CAPZA1: variants seen among roughly 807,000 people sequenced by gnomAD.
The protein encoded by CAPZA1 is F-actin-capping protein subunit alpha-1.
A neutral mutation model predicts 40.8 loss-of-function variants in CAPZA1; 10 were observed. The ratio of observed to expected loss-of-function variants is 0.25; its 90% CI spans 0.15 to 0.42. The LOEUF (loss-of-function observed/expected upper bound fraction) is 0.42, where lower values mean the gene tolerates loss of function less well. CAPZA1 is among the 10% of genes least tolerant of loss of function. CAPZA1 has a pLI of 1.00. For synonymous variants in CAPZA1, 98 were observed against 115.0 expected (o/e 0.85, Z 0.95); for missense variants, 277 against 353.8 (o/e 0.78, Z 1.74).
intron 7 of CAPZA1, among the ~76,000 whole-genome samples, chr1:112,663,257 C>T (rs1410033327): frequency 6.6e-6 from 1 of 152,172 alleles, no homozygotes; most frequent in South Asian, 2.1e-4. Flanking sequence ...AGCCACTGCA[C>T]CCGGCTCATT....
chr1:112,641,490 C>T (rs1198669374), intron 1 of CAPZA1, among the ~76,000 whole-genome samples: 2 of 152,074 alleles, frequency 1.3e-5, no homozygotes, highest in East Asian at 3.8e-4. Context: ...ATTATAAACC[C>T]ATGTCAACAA....
At chr1:112,644,350 C>T (rs1160094171) in intron 1 of CAPZA1, among the ~76,000 whole-genome samples, 1 of 151,694 alleles carries the variant, frequency 6.6e-6, no homozygotes, top group Non-Finnish European at 1.5e-5. Context: ...ACCACCACAC[C>T]CAGCTAATTC....
chr1:112,632,869 G>A (rs775572723), intron 1 of CAPZA1, among the ~76,000 whole-genome samples: 9 of 152,116 alleles, frequency 5.9e-5, no homozygotes, highest in Non-Finnish European at 1.2e-4. Flanking sequence ...TTGAAAGAGT[G>A]AATGTGAAGC....
intron 1 of CAPZA1, among the ~76,000 whole-genome samples, chr1:112,644,183 G>GTTTTT (rs1390088435): frequency 7.6e-5 from 3 of 39,470 alleles, no homozygotes; most frequent in African/African-American, 2.5e-4. Context: ...TCTTCTCCCA[G>GTTTTT]CTTTTTTTTT....
intron 7 of CAPZA1, 34 bp from the exon 8 acceptor site, chr1:112,667,040 T>G (rs1671737116): frequency 1.3e-6 from 2 of 1,503,238 alleles, no homozygotes; most frequent in Non-Finnish European, 9.2e-7. Context: ...TCTATGAACT[T>G]CCCCTAAAAA....
rs376678953 is a variant in CAPZA1 at position 112,664,718 on chromosome 1, C to CA, written c.586-2354dup. On this transcript the variant is annotated intron_variant, in intron 7 of 9. Transcript: ENST00000263168. ...TTGGGAGACCGAGGTGGGTGGATCA[C>CA]AAGGTCAGGAGTTCGAGACCAGCCT... is the stretch of plus-strand genomic sequence containing the variant. Among the ~76,000 whole-genome samples the CA allele has an allele frequency of 4.4e-4, 67 of 152,036 alleles. 1 individual carries two copies. Among genetic ancestry groups the CA allele is most frequent in the African/African-American group, 1.5e-3 (61 of 41,522 alleles).
intron 8 of CAPZA1, among the ~76,000 whole-genome samples, chr1:112,668,069 G>C: frequency 6.6e-6 from 1 of 151,888 alleles, no homozygotes; most frequent in East Asian, 1.9e-4. Context: ...GTGAAAGCTT[G>C]AGCTCAGGAG....
intron 1 of CAPZA1, among the ~76,000 whole-genome samples, chr1:112,640,260 A>C (rs1299237916): frequency 5.2e-4 from 47 of 89,718 alleles, no homozygotes; most frequent in South Asian, 2.3e-3. Context: ...GGCCGCCCCT[A>C]CTGGGAAGTG....
intron 1 of CAPZA1, among the ~76,000 whole-genome samples, chr1:112,629,148 A>G (rs1169454643): frequency 1.3e-5 from 2 of 152,038 alleles, no homozygotes; most frequent in Non-Finnish European, 2.9e-5. Flanking sequence ...CCTCTTTGCC[A>G]TTTATCTCTG....
chr1:112,645,930 C>T (rs1671272383), intron 1 of CAPZA1, among the ~76,000 whole-genome samples: 1 of 150,230 alleles, frequency 6.7e-6, no homozygotes, highest in Admixed American at 6.7e-5. Flanking sequence ...CACAGTACTC[C>T]AGTCTGGGCA....
At chr1:112,653,178 T>C (rs1343660507) in intron 3 of CAPZA1, among the ~76,000 whole-genome samples, 2 of 152,228 alleles carry the variant, frequency 1.3e-5, no homozygotes, top group African/African-American at 2.4e-5. Flanking sequence ...CTTCAAACTT[T>C]GGAATTAGCC....
At chr1:112,629,308 G>A (rs968049813) in intron 1 of CAPZA1, among the ~76,000 whole-genome samples, 1 of 152,166 alleles carries the variant, frequency 6.6e-6, no homozygotes, top group Non-Finnish European at 1.5e-5. Context: ...CCTTAGTGAA[G>A]CTTTCTCTGG....
At chr1:112,648,228 G>A (rs936312553) in intron 2 of CAPZA1, among the ~76,000 whole-genome samples, 1 of 151,326 alleles carries the variant, frequency 6.6e-6, no homozygotes, top group African/African-American at 2.4e-5. Context: ...TTCTAAAATT[G>A]TTTGTGGATT....
intron 1 of CAPZA1, among the ~76,000 whole-genome samples, chr1:112,638,889 C>T (rs904435209): frequency 3.2e-4 from 37 of 117,314 alleles, no homozygotes; most frequent in Middle Eastern, 4.8e-3. Context: ...GGCAACAGAG[C>T]GAGACTCCAT....
intron 1 of CAPZA1, among the ~76,000 whole-genome samples, chr1:112,646,066 G>A (rs1161682742): frequency 6.6e-6 from 1 of 152,062 alleles, no homozygotes; most frequent in African/African-American, 2.4e-5. Flanking sequence ...TGACAAAAAA[G>A]ATAAAATATA....
intron 4 of CAPZA1, 143 bp downstream of exon 4, chr1:112,653,804 ATTC>A (rs1671447082): frequency 8.6e-6 from 5 of 583,962 alleles, no homozygotes; most frequent in Middle Eastern, 5.6e-4. Flanking sequence ...GTGTTAGGAT[ATTC>A]TTCTCTTTCT....
At chr1:112,664,058 C>T (rs577260887) in intron 7 of CAPZA1, among the ~76,000 whole-genome samples, 1 of 151,744 alleles carries the variant, frequency 6.6e-6, no homozygotes, top group Non-Finnish European at 1.5e-5. Flanking sequence ...ACAGTGAAAC[C>T]CCATCTCTGT....
intron 4 of CAPZA1, 47 bp downstream of exon 4, chr1:112,653,708 T>A (rs758620236): frequency 7.8e-7 from 1 of 1,278,002 alleles, no homozygotes; most frequent in South Asian, 1.3e-5. Context: ...ATAGTAGAGA[T>A]CCTATTAATG....
At chr1:112,647,314 T>G in intron 2 of CAPZA1, 41 bp downstream of exon 2, 1 of 1,025,254 alleles carries the variant, frequency 9.8e-7, no homozygotes, top group Non-Finnish European at 1.4e-6. Context: ...TTAATTACCA[T>G]TATTTATTGA....
Sources: gnomAD v4.1 joint callset for allele counts (sites outside exome capture counted in the v4.1 genomes callset) on GRCh38, gnomAD v4.1.1 for gene constraint, MANE v1.5 for transcripts, NCBI Gene and HGNC (gene_info 2026-07-23, HGNC 2026-07-21) for gene names.